ANKRD29: variants seen among roughly 807,000 people sequenced by gnomAD.
ANKRD29 encodes ankyrin repeat domain-containing protein 29.
A neutral mutation model predicts 38.0 loss-of-function variants in ANKRD29; 32 were observed. The ratio of observed to expected loss-of-function variants is 0.84; its 90% confidence interval spans 0.64 to 1.13. The LOEUF is 1.13. Ranked by LOEUF, ANKRD29 falls within the 50% of genes most tolerant of loss-of-function variation. ANKRD29 has a pLI of 0.00. For synonymous variants in ANKRD29, 135 were observed against 152.4 expected (o/e 0.89, Z 0.84); for missense variants, 357 against 377.9 (o/e 0.94, Z 0.46).
chr18:23,655,297 C>T (rs1270767440), intron 1 of ANKRD29, among the ~76,000 whole-genome samples: 2 of 151,748 alleles, frequency 1.3e-5, no homozygotes, highest in South Asian at 2.1e-4. Flanking sequence ...GGAACTTAGG[C>T]GCAACGATTA....
At chr18:23,622,571 C>T (rs1368070231) in intron 6 of ANKRD29, among the ~76,000 whole-genome samples, 1 of 152,058 alleles carries the variant, frequency 6.6e-6, no homozygotes, top group Non-Finnish European at 1.5e-5. Context: ...ATCTATCTAC[C>T]TACCTACCTA....
intron 9 of ANKRD29, among the ~76,000 whole-genome samples, chr18:23,604,275 C>T (rs1042219777): frequency 1.3e-5 from 2 of 152,168 alleles, no homozygotes; most frequent in Non-Finnish European, 1.5e-5. Flanking sequence ...TAGGCAGTCA[C>T]GTAGTGTTCT....
chr18:23,616,887 G>GAT (rs1358095396), intron 8 of ANKRD29, among the ~76,000 whole-genome samples: 1 of 151,104 alleles, frequency 6.6e-6, no homozygotes, highest in Non-Finnish European at 1.5e-5. Flanking sequence ...GCTGACTCCT[G>GAT]ATATATAATA....
intron 5 of ANKRD29, among the ~76,000 whole-genome samples, chr18:23,632,514 AGTGT>A (rs545037817): frequency 1.3e-4 from 18 of 137,452 alleles, no homozygotes; most frequent in African/African-American, 4.1e-4. Flanking sequence ...TTTCCTATTC[AGTGT>A]GTGTGTGTGT....
chr18:23,631,400 C>T (rs1022736923), intron 5 of ANKRD29, among the ~76,000 whole-genome samples: 17 of 151,738 alleles, frequency 1.1e-4, no homozygotes, highest in Non-Finnish European at 1.9e-4. Context: ...ATCACCACAT[C>T]CAGTTAATTT....
chr18:23,619,460 T>C lies in ANKRD29; in HGVS notation c.627+71A>G, dbSNP rs540131176. ...AAACCCATGTGGGCTGCAGACTCAG[T>C]CAAGACCCGTTTTCTCCACACAGGC... On this transcript the variant is annotated intron_variant, in intron 7 of 9. Coordinates refer to ENST00000592179, the MANE Select transcript of ANKRD29 (RefSeq NM_173505.4). The C allele has an allele frequency of 6.3e-5, 89 of 1,423,278 alleles. 1 individual carries two copies. In the African/African-American group the frequency reaches 1.1e-3, roughly 18 times the overall value. The allele number at this position is 1,423,278 out of a possible 1,614,324, so 88.2% of individuals were successfully genotyped here.
At chr18:23,660,311 G>C (rs752038115) in intron 1 of ANKRD29, among the ~76,000 whole-genome samples, 1 of 152,162 alleles carries the variant, frequency 6.6e-6, no homozygotes, top group African/African-American at 2.4e-5. Context: ...ATAATGTTAA[G>C]CATCTTTTCA....
rs1459136356 is a variant in ANKRD29, at chr18:23,662,815, CG to C, written c.-86del. On this transcript the variant is annotated 5_prime_UTR_variant, in exon 1 of 10. Transcript: ENST00000592179. ...CGGCCCTTCACTCTCCCGGGGCTCTCGGCGTTCCGCAGAGGGGCGGCCTCCG... is the reference window on the plus strand; with the variant it reads ...CGGCCCTTCACTCTCCCGGGGCTCTCGCGTTCCGCAGAGGGGCGGCCTCCG... 4.1e-6 allele frequency: 5 copies of C among 1,215,540 alleles called. No homozygotes were observed. The highest frequency in any genetic ancestry group is 4.1e-6 in the Non-Finnish European group (4 of 970,750). The allele number at this position is 1,215,540 out of a possible 1,614,324, so 75.3% of individuals were successfully genotyped here. A position where few individuals can be genotyped will look rare whatever the true frequency, so the allele number is the denominator to read the frequency against.
intron 1 of ANKRD29, among the ~76,000 whole-genome samples, chr18:23,652,539 G>A (rs913120176): frequency 3.3e-5 from 5 of 152,088 alleles, no homozygotes; most frequent in African/African-American, 9.7e-5. Context: ...TCTGTTTGGG[G>A]TCTATACACA....
intron 2 of ANKRD29, chr18:23,646,763 A>G (rs1039406240): frequency 1.3e-5 from 2 of 153,168 alleles, no homozygotes; most frequent in African/African-American, 4.8e-5. Context: ...GAGAGTCAGG[A>G]GCTGTGGGGG....
chr18:23,619,175 G>A (rs1435141527), intron 7 of ANKRD29, among the ~76,000 whole-genome samples: 1 of 152,210 alleles, frequency 6.6e-6, no homozygotes, highest in Admixed American at 6.5e-5. Flanking sequence ...AGGGGCAAGA[G>A]GCAGGGCCTG....
chr18:23,611,857 G>A (rs1437103737), intron 9 of ANKRD29, among the ~76,000 whole-genome samples: 1 of 151,266 alleles, frequency 6.6e-6, no homozygotes, highest in Non-Finnish European at 1.5e-5. Flanking sequence ...TTGACACAAG[G>A]GTTTGTTAAA....
chr18:23,613,623 G>A (rs1232273357), intron 8 of ANKRD29, among the ~76,000 whole-genome samples: 4 of 144,994 alleles, frequency 2.8e-5, no homozygotes, highest in Non-Finnish European at 4.5e-5. Context: ...TTTTTGATAC[G>A]GAGTCTTGCT....
chr18:23,652,847 C>A (rs2060226871), intron 1 of ANKRD29, among the ~76,000 whole-genome samples: 1 of 152,222 alleles, frequency 6.6e-6, no homozygotes, highest in Non-Finnish European at 1.5e-5. Context: ...AGGCAGTGTG[C>A]TAAACAATTT....
At chr18:23,653,621 C>T (rs1438966681) in intron 1 of ANKRD29, among the ~76,000 whole-genome samples, 2 of 150,416 alleles carry the variant, frequency 1.3e-5, no homozygotes. Context: ...TCCCTTCCCT[C>T]TTCTCCCCTC....
At chr18:23,627,727 A>C (rs1306113564) in intron 6 of ANKRD29, among the ~76,000 whole-genome samples, 1 of 152,244 alleles carries the variant, frequency 6.6e-6, no homozygotes, top group Non-Finnish European at 1.5e-5. Context: ...ATAACCTCAC[A>C]TTCTAAATTC....
chr18:23,649,826 T>G (rs1419527890), intron 1 of ANKRD29, among the ~76,000 whole-genome samples: 2 of 152,004 alleles, frequency 1.3e-5, no homozygotes, highest in Non-Finnish European at 2.9e-5. Flanking sequence ...CCTTCCTGGG[T>G]TCAAGTGATT....
chr18:23,607,801 C>T (rs2059591697), intron 9 of ANKRD29, among the ~76,000 whole-genome samples: 1 of 152,188 alleles, frequency 6.6e-6, no homozygotes, highest in Non-Finnish European at 1.5e-5. Context: ...ATTCATGATA[C>T]TACAGTATTA....
chr18:23,648,982 A>G, intron 2 of ANKRD29, 101 bp downstream of exon 2: 1 of 985,556 alleles, frequency 1.0e-6, no homozygotes, highest in South Asian at 1.6e-5. Flanking sequence ...ACACATGAAA[A>G]AGTAAATAAG....
Sources: gnomAD v4.1 joint callset for allele counts (sites outside exome capture counted in the v4.1 genomes callset) on GRCh38, gnomAD v4.1.1 for gene constraint, MANE v1.5 for transcripts, NCBI Gene and HGNC (gene_info 2026-07-23, HGNC 2026-07-21) for gene names.